Variants in ROBO2 observed in about 807,000 individuals in gnomAD.
ROBO2 encodes the protein roundabout homolog 2.
ROBO2 carries 53 observed loss-of-function variants against 160.8 expected under a neutral mutation model. That is an observed-to-expected ratio of 0.33 (90% CI 0.26 to 0.41). The LOEUF is 0.41. Among genes scored for constraint, ROBO2 ranks in the 10% least tolerant of loss-of-function variants. ROBO2 has a pLI of 1.00. For synonymous variants in ROBO2, 664 were observed against 611.7 expected (o/e 1.09, Z -1.26); for missense variants, 1,577 against 1,722.4 (o/e 0.92, Z 1.49).
intron 1 of ROBO2, among the ~76,000 whole-genome samples, chr3:77,065,600 C>T (rs1211403027): frequency 6.6e-6 from 1 of 152,088 alleles, no homozygotes; most frequent in Non-Finnish European, 1.5e-5. Flanking sequence ...TGGCCATCAT[C>T]CATGCTATTG....
chr3:77,256,738 A>G (rs542113005), intron 2 of ROBO2, among the ~76,000 whole-genome samples: 1 of 152,294 alleles, frequency 6.6e-6, no homozygotes, highest in South Asian at 2.1e-4. Flanking sequence ...GCATGAAACC[A>G]AGGCTCTCGA....
At chr3:76,240,611 TG>T (rs1402260862) in intron 2 of ROBO2, among the ~76,000 whole-genome samples, 1 of 152,154 alleles carries the variant, frequency 6.6e-6, no homozygotes. Context: ...AGAAAAAAGA[TG>T]CTCTTTGATT....
intron 2 of ROBO2, among the ~76,000 whole-genome samples, chr3:76,753,432 A>G (rs9848529): frequency 6.6e-6 from 1 of 151,816 alleles, no homozygotes; most frequent in Non-Finnish European, 1.5e-5. Flanking sequence ...GAATCCAATA[A>G]AATTATACTT....
chr3:76,933,805 A>G (rs1293424069), intron 2 of ROBO2, among the ~76,000 whole-genome samples: 2 of 152,198 alleles, frequency 1.3e-5, no homozygotes, highest in African/African-American at 4.8e-5. Flanking sequence ...GCTAACATGA[A>G]CTGTTACAAT....
At chr3:77,362,956 G>C (rs959514662) in intron 2 of ROBO2, among the ~76,000 whole-genome samples, 3 of 152,082 alleles carry the variant, frequency 2.0e-5, no homozygotes, top group Non-Finnish European at 2.9e-5. Flanking sequence ...CTCCCACCGG[G>C]TCCCTCCCAC....
chr3:77,223,866 C>T (rs1313833731), intron 2 of ROBO2, among the ~76,000 whole-genome samples: 4 of 127,318 alleles, frequency 3.1e-5, no homozygotes, highest in African/African-American at 7.7e-5. Context: ...ATTTGGTTAG[C>T]TTGGAATATT....
At chr3:77,138,004 T>C (rs770986093) in intron 2 of ROBO2, among the ~76,000 whole-genome samples, 8 of 151,532 alleles carry the variant, frequency 5.3e-5, no homozygotes, top group Non-Finnish European at 1.2e-4. Context: ...AAACGTGTAA[T>C]ATAAAGATTG....
At chr3:75,987,308 C>G (rs890829273) in intron 2 of ROBO2, among the ~76,000 whole-genome samples, 1 of 151,904 alleles carries the variant, frequency 6.6e-6, no homozygotes, top group African/African-American at 2.4e-5. Context: ...ATGCTATAAT[C>G]AATGGAATTA....
chr3:76,047,331 CTTT>C (rs1308877243), intron 2 of ROBO2, among the ~76,000 whole-genome samples: 1 of 152,110 alleles, frequency 6.6e-6, no homozygotes, highest in Non-Finnish European at 1.5e-5. Flanking sequence ...CAAAAATATT[CTTT>C]TAAGGATAAT....
intron 2 of ROBO2, among the ~76,000 whole-genome samples, chr3:76,223,418 T>TA (rs1704099497): frequency 6.6e-6 from 1 of 151,508 alleles, no homozygotes; most frequent in Non-Finnish European, 1.5e-5. Context: ...TCACCCAGGG[T>TA]GGGGAGGCTA....
intron 1 of ROBO2, among the ~76,000 whole-genome samples, chr3:77,066,649 G>A (rs1287973806): frequency 4.6e-5 from 7 of 152,066 alleles, no homozygotes; most frequent in African/African-American, 1.4e-4. Context: ...ATGTTAAATA[G>A]GACAGTACTT....
chr3:76,364,669 T>C (rs7611506), intron 2 of ROBO2, among the ~76,000 whole-genome samples: 10,830 of 152,094 alleles, frequency 0.071, 887 homozygotes, highest in East Asian at 0.4. Flanking sequence ...ATTTTTCACA[T>C]AAAACCTTTT....
intron 2 of ROBO2, among the ~76,000 whole-genome samples, chr3:76,137,923 T>C (rs1384488554): frequency 1.3e-5 from 2 of 152,012 alleles, no homozygotes; most frequent in Non-Finnish European, 2.9e-5. Context: ...AAATCCAGGA[T>C]AATCTTCCCA....
chr3:76,776,221 T>A (rs903638139), intron 2 of ROBO2, among the ~76,000 whole-genome samples: 2 of 150,918 alleles, frequency 1.3e-5, no homozygotes, highest in African/African-American at 4.8e-5. Context: ...TTAAAAACTA[T>A]CTTAGCAACT....
At chr3:77,444,227 C>CT (rs2080239801) in intron 2 of ROBO2, among the ~76,000 whole-genome samples, 1 of 152,070 alleles carries the variant, frequency 6.6e-6, no homozygotes, top group South Asian at 2.1e-4. Flanking sequence ...AGGTTCACGT[C>CT]TTTATGTATT....
chr3:76,038,060 G>T (rs2067171397), intron 2 of ROBO2, among the ~76,000 whole-genome samples: 1 of 152,006 alleles, frequency 6.6e-6, no homozygotes, highest in Non-Finnish European at 1.5e-5. Flanking sequence ...AGGGTAACTT[G>T]ACCTCATTTG....
intron 2 of ROBO2, among the ~76,000 whole-genome samples, chr3:76,731,483 GT>G (rs530590909): frequency 4.8e-5 from 7 of 146,912 alleles, no homozygotes; most frequent in East Asian, 2.0e-4. Context: ...GACACAAAAT[GT>G]TTTTTTTTTC....
chr3:76,458,989 C>T (rs558254462), intron 2 of ROBO2, among the ~76,000 whole-genome samples: 1 of 152,294 alleles, frequency 6.6e-6, no homozygotes, highest in African/African-American at 2.4e-5. Flanking sequence ...TCAAATAGGG[C>T]TGGTGCTGTA....
chr3:77,296,805 G>A (rs2062180014), intron 2 of ROBO2, among the ~76,000 whole-genome samples: 1 of 152,072 alleles, frequency 6.6e-6, no homozygotes, highest in Non-Finnish European at 1.5e-5. Context: ...TGCAACATGA[G>A]ACTGAATAGC....
Sources: gnomAD v4.1 joint callset for allele counts (sites outside exome capture counted in the v4.1 genomes callset) on GRCh38, gnomAD v4.1.1 for gene constraint, MANE v1.5 for transcripts, NCBI Gene and HGNC (gene_info 2026-07-23, HGNC 2026-07-21) for gene names.